FLRT2: variants seen among roughly 807,000 people sequenced by gnomAD.
FLRT2 encodes fibronectin leucine rich transmembrane protein 2.
In FLRT2, 15 loss-of-function variants were observed where a neutral mutation model predicts 40.0. The ratio of observed to expected loss-of-function variants is 0.38; its 90% CI spans 0.25 to 0.58. The LOEUF (loss-of-function observed/expected upper bound fraction) is 0.58. FLRT2 is among the 20% of genes least tolerant of loss of function. The probability of loss-of-function intolerance (pLI) is 0.71; values close to 1 mark genes in which losing one functional copy is unlikely to be tolerated. For missense variants in FLRT2, 726 were observed against 840.0 expected (o/e 0.86, Z 1.68); for synonymous variants, 380 against 336.8 (o/e 1.13, Z -1.41).
chr14:85,599,899 G>T (rs1171565255), intron 1 of FLRT2, among the ~76,000 whole-genome samples: 3 of 152,142 alleles, frequency 2.0e-5, no homozygotes, highest in Non-Finnish European at 4.4e-5. Flanking sequence ...GCTGCATACA[G>T]CCATGGAAAT....
At chr14:85,586,168 A>G (rs1433621751) in intron 1 of FLRT2, among the ~76,000 whole-genome samples, 2 of 149,468 alleles carry the variant, frequency 1.3e-5, no homozygotes, top group Admixed American at 6.7e-5. Flanking sequence ...ACATATTAAT[A>G]TAAATATGAT....
At chr14:85,554,748 C>A (rs1488355125) in intron 1 of FLRT2, among the ~76,000 whole-genome samples, 2 of 152,236 alleles carry the variant, frequency 1.3e-5, no homozygotes, top group Middle Eastern at 3.4e-3. Context: ...TTTTTCCTTT[C>A]TGATTATAAA....
intron 1 of FLRT2, among the ~76,000 whole-genome samples, chr14:85,619,532 T>A (rs17713869): frequency 6.6e-6 from 1 of 152,224 alleles, no homozygotes; most frequent in Non-Finnish European, 1.5e-5. Context: ...TTGAGATGGC[T>A]TAACAATCTT....
chr14:85,556,258 G>A (rs1239645768), intron 1 of FLRT2, among the ~76,000 whole-genome samples: 3 of 152,140 alleles, frequency 2.0e-5, no homozygotes, highest in African/African-American at 7.2e-5. Flanking sequence ...TATATGCATG[G>A]CACAGTAATT....
At position 85,640,668 on chromosome 14, in the gene FLRT2, C is replaced by T. The variant is rs1168943539; in HGVS notation, c.*17171C>T. 6.6e-6 allele frequency: 1 copy of T among 152,150 alleles called. No homozygotes were observed. The highest frequency in any genetic ancestry group is 1.5e-5 in the Non-Finnish European group (1 of 68,030). 9.4% of individuals were successfully genotyped at this position (152,150 alleles called of 1,614,324 possible). On this transcript the variant is annotated 3_prime_UTR_variant, in exon 2 of 2. Coordinates refer to ENST00000330753, the MANE Select transcript of FLRT2 (RefSeq NM_013231.6). Reference sequence around the variant, plus strand: ...GCTTTGTGAATATTCCATACATTTGCTAAGTTCTCACTGGTCAGGTTCAGT... The same window carrying T: ...GCTTTGTGAATATTCCATACATTTGTTAAGTTCTCACTGGTCAGGTTCAGT...
At chr14:85,618,135 G>A (rs756399293) in intron 1 of FLRT2, among the ~76,000 whole-genome samples, 16 of 152,166 alleles carry the variant, frequency 1.1e-4, no homozygotes, top group Non-Finnish European at 2.4e-4. Flanking sequence ...TGAGTACTTG[G>A]TTTGCTCCCA....
rs1455130905 is a variant in FLRT2, at chr14:85,646,543, C to G, written c.*23046C>G. 1.3e-5 allele frequency: 2 copies of G among 152,124 alleles called. No individual in the cohort carries two copies. Among genetic ancestry groups the G allele is most frequent in the Admixed American group, 1.3e-4 (2 of 15,262 alleles). 9.4% of individuals were successfully genotyped at this position (152,124 alleles called of 1,614,324 possible). A position where few individuals can be genotyped will look rare whatever the true frequency, so the allele number is the denominator to read the frequency against. Reference sequence around the variant, plus strand: ...AAAGTGGGTAGAATGGACCATAGTACTTGAATCTTGAGTTCAGAATCAGAT... The same window carrying G: ...AAAGTGGGTAGAATGGACCATAGTAGTTGAATCTTGAGTTCAGAATCAGAT... On this transcript the variant is annotated 3_prime_UTR_variant, in exon 2 of 2. Coordinates refer to ENST00000330753, the MANE Select transcript of FLRT2 (RefSeq NM_013231.6).
Position 85,646,495 on chromosome 14 carries a change from T to C in FLRT2, c.*22998T>C, listed in dbSNP as rs1894308031. On this transcript the variant is annotated 3_prime_UTR_variant, in exon 2 of 2. Transcript: ENST00000330753. The stretch of plus-strand genomic sequence containing the variant: ...AAGGGAGGAAAGGATGAAGTAGGTT[T>C]GCAGTCCTCTTAGAAGAAGGTAAAA... 1 of 152,218 alleles carries C rather than the reference T, an allele frequency of 6.6e-6. No homozygotes were observed. The highest frequency in any genetic ancestry group is 2.1e-4 in the South Asian group (1 of 4,834). The allele number at this position is 152,218 out of a possible 1,614,324, so 9.4% of individuals were successfully genotyped here.
In FLRT2 at chr14:85,652,801, T is replaced by C. The variant is rs892192512; in HGVS notation, c.*29304T>C. 2.7e-5 allele frequency: 4 copies of C among 150,698 alleles called. No individual in the cohort carries two copies. Among genetic ancestry groups the C allele is most frequent in the African/African-American group, 7.2e-5 (3 of 41,408 alleles). The allele number at this position is 150,698 out of a possible 1,614,324, so 9.3% of individuals were successfully genotyped here. On this transcript the variant is annotated 3_prime_UTR_variant, in exon 2 of 2. Coordinates refer to ENST00000330753, the MANE Select transcript of FLRT2 (RefSeq NM_013231.6). ...TTATCAATGAGTTTTCTTTTTCTAT[T>C]ATTTAAAAAAGTTTTTGCTTGGCAA...
At chr14:85,555,610 T>A (rs1337193934) in intron 1 of FLRT2, among the ~76,000 whole-genome samples, 1 of 151,712 alleles carries the variant, frequency 6.6e-6, no homozygotes, top group Non-Finnish European at 1.5e-5. Flanking sequence ...TTATAGGAGC[T>A]ACAATTCAAG....
chr14:85,531,372 G>A (rs117777091), intron 1 of FLRT2: 12,767 of 152,616 alleles, frequency 0.084, 758 homozygotes, highest in Non-Finnish European at 0.11. Context: ...GGGGCTTGGG[G>A]CCTCCTGGAA....
rs1594982877 is a variant in FLRT2 at position 85,652,418 on chromosome 14, G to T, written c.*28921G>T. 2 of 152,112 alleles carry T rather than the reference G, an allele frequency of 1.3e-5. No homozygotes were observed. The highest frequency in any genetic ancestry group is 2.1e-4 in the South Asian group (1 of 4,822). The allele number at this position is 152,112 out of a possible 1,614,324, so 9.4% of individuals were successfully genotyped here. A position where few individuals can be genotyped will look rare whatever the true frequency, so the allele number is the denominator to read the frequency against. ...CCAAGTTTTCTTTCAGAAGTAATTT[G>T]CATTTTCCACCTTGAAGTTGTATTT... On this transcript the variant is annotated 3_prime_UTR_variant, in exon 2 of 2. Transcript: ENST00000330753.
Position 85,634,915 on chromosome 14 carries a change from T to C in FLRT2, c.*11418T>C, listed in dbSNP as rs533875040. On this transcript the variant is annotated 3_prime_UTR_variant, in exon 2 of 2. Coordinates refer to ENST00000330753, the MANE Select transcript of FLRT2 (RefSeq NM_013231.6). ...AATTTAGTTGATCTCCCAAGTTACT[T>C]TGGACCTTAAATTCTGTTTTATGGT... 2 of 152,320 alleles carry C rather than the reference T, an allele frequency of 1.3e-5. No individual in the cohort carries two copies. The highest frequency in any genetic ancestry group is 4.1e-4 in the South Asian group (2 of 4,830). 9.4% of individuals were successfully genotyped at this position (152,320 alleles called of 1,614,324 possible). A position where few individuals can be genotyped will look rare whatever the true frequency, so the allele number is the denominator to read the frequency against.
chr14:85,609,543 G>C (rs1262345770), intron 1 of FLRT2, among the ~76,000 whole-genome samples: 1 of 152,208 alleles, frequency 6.6e-6, no homozygotes, highest in Non-Finnish European at 1.5e-5. Context: ...GTTTCATTTA[G>C]TCTTGACCTC....
chr14:85,531,705 T>A (rs1436740030), intron 1 of FLRT2, among the ~76,000 whole-genome samples: 1 of 152,128 alleles, frequency 6.6e-6, no homozygotes. Flanking sequence ...CCCTTCCGAT[T>A]AGCACCCCCA....
At chr14:85,603,657 T>C (rs1892479522) in intron 1 of FLRT2, among the ~76,000 whole-genome samples, 1 of 151,952 alleles carries the variant, frequency 6.6e-6, no homozygotes, top group African/African-American at 2.4e-5. Flanking sequence ...TCACCTGAGG[T>C]CAGGAGTTTG....
At position 85,643,314 on chromosome 14, in the gene FLRT2, T is replaced by A. The variant is rs1894201304; in HGVS notation, c.*19817T>A. 9.7e-6 allele frequency: 1 copy of A among 102,994 alleles called. No individual in the cohort carries two copies. The highest frequency in any genetic ancestry group is 4.2e-5 in the African/African-American group (1 of 23,722). 6.4% of individuals were successfully genotyped at this position (102,994 alleles called of 1,614,324 possible). A position where few individuals can be genotyped will look rare whatever the true frequency, so the allele number is the denominator to read the frequency against. The stretch of plus-strand genomic sequence containing the variant: ...TTTTTTCTTTCTTTCTTTCTTTCTT[T>A]CTTTCTTTCTTTCTTTCTTTCTTTC... On this transcript the variant is annotated 3_prime_UTR_variant, in exon 2 of 2. Transcript: ENST00000330753.
intron 1 of FLRT2, among the ~76,000 whole-genome samples, chr14:85,555,793 T>C (rs1434782909): frequency 2.0e-4 from 31 of 151,900 alleles, no homozygotes; most frequent in Admixed American, 2.0e-3. Context: ...TGGCCTCAAG[T>C]GATCCTCTTG....
At chr14:85,588,386 A>G (rs1407526838) in intron 1 of FLRT2, among the ~76,000 whole-genome samples, 1 of 151,890 alleles carries the variant, frequency 6.6e-6, no homozygotes, top group Non-Finnish European at 1.5e-5. Flanking sequence ...TGTGTTAATG[A>G]TAGTATTACT....
Sources: allele counts gnomAD v4.1 joint callset (sites outside exome capture counted in the v4.1 genomes callset), GRCh38; gene constraint gnomAD v4.1.1; transcripts MANE v1.5; gene names NCBI Gene and HGNC (gene_info 2026-07-23, HGNC 2026-07-21).